GANC: variants seen among roughly 807,000 people sequenced by gnomAD.
GANC encodes glucosidase alpha, neutral C.
A neutral mutation model predicts 124.2 loss-of-function variants in GANC; 117 were observed. That is an observed-to-expected ratio of 0.94 (90% CI 0.81 to 1.10). The LOEUF (loss-of-function observed/expected upper bound fraction) is 1.10, where lower values mean the gene tolerates loss of function less well. Among genes scored for constraint, GANC ranks in the 50% least tolerant of loss-of-function variants. GANC has a pLI of 0.00. For missense variants in GANC, 1,140 were observed against 1,095.0 expected (o/e 1.04, Z -0.58); for synonymous variants, 377 against 376.8 (o/e 1.00, Z -0.01).
intron 6 of GANC, among the ~76,000 whole-genome samples, chr15:42,301,473 C>G (rs1045969918): frequency 6.6e-6 from 1 of 151,794 alleles, no homozygotes; most frequent in Admixed American, 6.6e-5. Flanking sequence ...TTTTCATACC[C>G]CAGTGGCGCC....
At chr15:42,287,548 C>T in intron 3 of GANC, 143 bp from the exon 4 acceptor site, 1 of 688,752 alleles carries the variant, frequency 1.5e-6, no homozygotes, top group South Asian at 2.2e-5. Flanking sequence ...AACTGGGGAG[C>T]TTTTTTTTTT....
At chr15:42,313,944 C>CCTAT in intron 10 of GANC, 1 of 543,116 alleles carries the variant, frequency 1.8e-6, no homozygotes, top group Non-Finnish European at 3.2e-6. Flanking sequence ...AGAGCGAGAC[C>CCTAT]CTATCTCTAA....
Position 42,348,091 on chromosome 15 carries a change from G to T in GANC, c.2305-12G>T. On this transcript the variant is annotated splice_polypyrimidine_tract_variant and intron_variant, in intron 20 of 23. Transcript: ENST00000318010. Reference sequence around the variant, plus strand: ...TGAATACTGCTTCCCTGAGCGTGCTGCTCTGTTACAGATTCCAGTGTTTCA... The same window carrying T: ...TGAATACTGCTTCCCTGAGCGTGCTTCTCTGTTACAGATTCCAGTGTTTCA... 1 of 1,501,450 alleles carries T rather than the reference G, an allele frequency of 6.7e-7. No homozygotes were observed. The highest frequency in any genetic ancestry group is 9.2e-7 in the Non-Finnish European group (1 of 1,090,298). 93.0% of individuals were successfully genotyped at this position (1,501,450 alleles called of 1,614,324 possible). A position where few individuals can be genotyped will look rare whatever the true frequency, so the allele number is the denominator to read the frequency against.
chr15:42,273,392 C>CCGCCATCTTCACAGCCGT lies in GANC; in HGVS notation c.-1089_-1072dup. 2 of 1,614,096 alleles carry CCGCCATCTTCACAGCCGT rather than the reference C, an allele frequency of 1.2e-6. No homozygotes were observed. Among genetic ancestry groups the CCGCCATCTTCACAGCCGT allele is most frequent in the Non-Finnish European group, 1.7e-6 (2 of 1,180,034 alleles). On this transcript the variant is annotated 5_prime_UTR_variant, in exon 1 of 24. Transcript: ENST00000318010. Reference sequence around the variant, plus strand: ...GGCAACACCTGAAGCCACGCAGCCGCCGCCATCTTCACAGCCGTGGAGTGC... The same window carrying CCGCCATCTTCACAGCCGT: ...GGCAACACCTGAAGCCACGCAGCCGCCGCCATCTTCACAGCCGTCGCCATCTTCACAGCCGTGGAGTGC...
chr15:42,309,182 G>T (rs1485179091), intron 8 of GANC, among the ~76,000 whole-genome samples: 1 of 152,174 alleles, frequency 6.6e-6, no homozygotes, highest in African/African-American at 2.4e-5. Context: ...AGGTTCAGGT[G>T]CTGTTTACTT....
chr15:42,281,656 G>C (rs2051735174), intron 3 of GANC, among the ~76,000 whole-genome samples: 1 of 152,002 alleles, frequency 6.6e-6, no homozygotes, highest in Admixed American at 6.5e-5. Context: ...CTACACTGCT[G>C]CCTGGGCAAC....
chr15:42,346,336 C>A (rs2052363339), intron 20 of GANC, among the ~76,000 whole-genome samples: 1 of 151,974 alleles, frequency 6.6e-6, no homozygotes, highest in Non-Finnish European at 1.5e-5. Context: ...TCCGGGGGTG[C>A]CTAGTGCTGG....
rs2052197974 is a variant in GANC, at chr15:42,326,294, A to G, written c.1294-4A>G. 6.3e-7 allele frequency: 1 copy of G among 1,598,064 alleles called. No individual in the cohort carries two copies. Among genetic ancestry groups the G allele is most frequent in the Non-Finnish European group, 8.6e-7 (1 of 1,165,816 alleles). On this transcript the variant is annotated splice_polypyrimidine_tract_variant and splice_region_variant and intron_variant, in intron 11 of 23. Transcript: ENST00000318010. ...GAGACCTCCAAACCTTCATGTCCTG[A>G]CAGCTTGTGGTCATCAGTGATCCCC...
intron 5 of GANC, among the ~76,000 whole-genome samples, chr15:42,294,038 G>A (rs55882551): frequency 0.12 from 18,086 of 150,612 alleles, 2,103 homozygotes; most frequent in African/African-American, 0.24. Flanking sequence ...GCAACAGAGC[G>A]AGATTCTGTC....
chr15:42,301,304 G>A (rs565959937), intron 6 of GANC, among the ~76,000 whole-genome samples: 10 of 152,254 alleles, frequency 6.6e-5, no homozygotes, highest in African/African-American at 1.4e-4. Flanking sequence ...GAGAGACTGT[G>A]CTGTGAGGAA....
intron 15 of GANC, among the ~76,000 whole-genome samples, chr15:42,334,125 A>G (rs1226595041): frequency 3.3e-5 from 5 of 151,880 alleles, no homozygotes; most frequent in African/African-American, 1.2e-4. Flanking sequence ...TAAAAGCTAA[A>G]AATACAACCT....
chr15:42,329,212 A>G, intron 13 of GANC, 94 bp from the exon 14 acceptor site: 1 of 1,267,672 alleles, frequency 7.9e-7, no homozygotes, highest in Non-Finnish European at 1.1e-6. Flanking sequence ...AGCATAGATA[A>G]TAAACATAAT....
At chr15:42,295,445 T>C (rs1395593408) in intron 5 of GANC, among the ~76,000 whole-genome samples, 1 of 151,966 alleles carries the variant, frequency 6.6e-6, no homozygotes, top group Non-Finnish European at 1.5e-5. Context: ...CAAAAATCAA[T>C]TGCAGATGAA....
chr15:42,319,413 T>C lies in GANC; in HGVS notation c.1058-2372T>C, dbSNP rs1192759551. On this transcript the variant is annotated intron_variant, in intron 10 of 23. Coordinates refer to ENST00000318010, the MANE Select transcript of GANC (RefSeq NM_198141.3). The stretch of plus-strand genomic sequence containing the variant: ...AGGCTGGAGTGCAGTGGCGTGACCA[T>C]GGCTCACTGCAGCCTCTAGCTCCTG... 5.3e-5 allele frequency among the ~76,000 whole-genome samples: 8 copies of C among 152,266 alleles called. No individual in the cohort carries two copies. In the South Asian group the frequency reaches 6.2e-4, roughly 12 times the overall value.
intron 4 of GANC, among the ~76,000 whole-genome samples, chr15:42,291,075 C>T (rs1228092585): frequency 6.6e-6 from 1 of 152,016 alleles, no homozygotes; most frequent in East Asian, 1.9e-4. Flanking sequence ...AGAGTCAGAT[C>T]CCAACATGCC....
intron 10 of GANC, chr15:42,314,165 G>A: frequency 1.3e-6 from 1 of 761,814 alleles, no homozygotes; most frequent in Admixed American, 1.7e-5. Context: ...AATTCAGATT[G>A]GATATGGGAT....
Position 42,339,735 on chromosome 15 carries a change from C to T in GANC, c.1910C>T (p.Ala637Val). 5 of 1,614,130 alleles carry T rather than the reference C, an allele frequency of 3.1e-6. No homozygotes were observed. In the South Asian group the frequency reaches 4.4e-5, roughly 14 times the overall value. ...CTAGTGCGTTGGTACCAGGCTGGAG[C>T]CTACCAGCCCTTCTTCCGTGGCCAT... ...ELLVRWYQAG[A>V]YQPFFRGHAT... The change falls in exon 17 of 24, where the codon GCC becomes GTC. Residue 637 changes from alanine (A) to valine (V), a missense_variant. Coordinates refer to ENST00000318010, the MANE Select transcript of GANC (RefSeq NM_198141.3).
rs1566947360 is a variant in GANC, at chr15:42,276,355, G to C, written c.37G>C (p.Asp13His). ...AAVKEEISLE[D>H]EAVDKNIFRD... ...AAATGTCTTTTTATTTAGTCTTGAA[G>C]ATGAAGCTGTAGATAAAAACATTTT... Residue 13 changes from aspartate (D) to histidine (H), a missense_variant, in exon 2 of 24, where the codon GAT (aspartate) becomes CAT (histidine). Physicochemically the swap from Asp to His is moderately conservative, Grantham distance 81. Coordinates refer to ENST00000318010, the MANE Select transcript of GANC (RefSeq NM_198141.3). 1 of 1,448,528 alleles carries C rather than the reference G, an allele frequency of 6.9e-7. No homozygotes were observed. Among genetic ancestry groups the C allele is most frequent in the Admixed American group, 1.7e-5 (1 of 58,318 alleles). The allele number at this position is 1,448,528 out of a possible 1,614,324, so 89.7% of individuals were successfully genotyped here.
At chr15:42,332,628 C>T (rs139810331) in intron 15 of GANC, among the ~76,000 whole-genome samples, 12 of 152,206 alleles carry the variant, frequency 7.9e-5, no homozygotes, top group Admixed American at 5.9e-4. Flanking sequence ...TGTCTCCATA[C>T]GGATTTCAAA....
Sources: allele counts gnomAD v4.1 joint callset (sites outside exome capture counted in the v4.1 genomes callset), GRCh38; gene constraint gnomAD v4.1.1; transcripts MANE v1.5; gene names NCBI Gene and HGNC (gene_info 2026-07-23, HGNC 2026-07-21).